Variants in KIF17 observed in about 807,000 individuals in gnomAD.
The protein encoded by KIF17 is kinesin family member 17.
KIF17 carries 80 observed loss-of-function variants against 96.8 expected under a neutral mutation model. That is an observed-to-expected ratio of 0.83 (90% CI 0.69 to 1.00). KIF17 has a LOEUF of 1.00. KIF17 is among the 50% of genes least tolerant of loss of function. KIF17 has a pLI of 0.00. For missense variants in KIF17, 1,280 were observed against 1,372.9 expected (o/e 0.93, Z 1.07); for synonymous variants, 567 against 587.5 (o/e 0.97, Z 0.51).
At position 20,717,844 on chromosome 1, in the gene KIF17, G is replaced by A; in HGVS notation, c.-138C>T. 3 of 750,494 alleles carry A rather than the reference G, an allele frequency of 4.0e-6. No individual in the cohort carries two copies. The highest frequency in any genetic ancestry group is 5.0e-6 in the Non-Finnish European group (3 of 604,626). The allele number at this position is 750,494 out of a possible 1,614,324, so 46.5% of individuals were successfully genotyped here. A position where few individuals can be genotyped will look rare whatever the true frequency, so the allele number is the denominator to read the frequency against. On this transcript the variant is annotated 5_prime_UTR_variant, in exon 1 of 15. Transcript: ENST00000400463. ...AGGCAGGGGCGGGGCCGCGGCGGGG[G>A]GCGGGGACCCCTCGGGGGGCGCCCC... is the stretch of plus-strand genomic sequence containing the variant.
intron 3 of KIF17, among the ~76,000 whole-genome samples, chr1:20,712,812 T>G (rs866347608): frequency 0.078 from 3,842 of 49,506 alleles, 459 homozygotes; most frequent in Non-Finnish European, 0.15. Flanking sequence ...AATATCTATA[T>G]ATATAATATA....
rs768818031 is a variant in KIF17, at chr1:20,684,809, C to T, written c.2231G>A (p.Arg744His). The T allele has an allele frequency of 1.2e-5, 19 of 1,572,490 alleles. No homozygotes were observed. Among genetic ancestry groups the T allele is most frequent in the African/African-American group, 4.1e-5 (3 of 73,802 alleles). The change falls in exon 10 of 15, where the codon CGT (arginine) becomes CAT (histidine). Residue 744 changes from arginine to histidine, a missense_variant and splice_region_variant. Physicochemically the swap from Arg to His is conservative, Grantham distance 29 (BLOSUM62 0). Coordinates refer to ENST00000400463, the MANE Select transcript of KIF17 (RefSeq NM_001122819.3). Reference protein sequence around the residue: ...PVVDQQQVLARLQLLEQQVVG... With the variant: ...PVVDQQQVLAHLQLLEQQVVG... Reference sequence around the variant, plus strand: ...GCCAGCCCCATGCTCTGCTGCTTACCGGGCCAGCACCTGCTGCTGGTCCAC... The same window carrying T: ...GCCAGCCCCATGCTCTGCTGCTTACTGGGCCAGCACCTGCTGCTGGTCCAC...
intron 8 of KIF17, 51 bp from the exon 9 acceptor site, chr1:20,686,177 C>T: frequency 1.4e-6 from 2 of 1,453,196 alleles, no homozygotes; most frequent in Non-Finnish European, 9.5e-7. Flanking sequence ...TGGGCCAGAA[C>T]CATCCTTTAC....
chr1:20,709,087 C>T lies in KIF17; in HGVS notation c.670+552G>A, dbSNP rs148230514. Among the ~76,000 whole-genome samples the T allele has an allele frequency of 7.6e-4, 116 of 152,302 alleles. No homozygotes were observed. Among genetic ancestry groups the T allele is most frequent in the African/African-American group, 2.6e-3 (108 of 41,570 alleles). ...TGCTGTAGGAGTAAGTGAGATAATGCACACACATTGCCTGGCACACTGGCC... is the reference window on the plus strand; with the variant it reads ...TGCTGTAGGAGTAAGTGAGATAATGTACACACATTGCCTGGCACACTGGCC... On this transcript the variant is annotated intron_variant, in intron 4 of 14. Transcript: ENST00000400463. The surrounding 1 kb of genome is among the most constrained non-coding windows in gnomAD (Gnocchi z 4.7).
At chr1:20,690,612 T>C (rs2054021996) in intron 6 of KIF17, among the ~76,000 whole-genome samples, 1 of 151,420 alleles carries the variant, frequency 6.6e-6, no homozygotes, top group South Asian at 2.1e-4. Context: ...AGCCTCGAAC[T>C]CCCAGGCTCA....
At position 20,710,495 on chromosome 1, in the gene KIF17, T is replaced by C. The variant is rs528577598; in HGVS notation, c.481-667A>G. ...TTATCTGATGGCTCCCTGCTGGCTT[T>C]CCAGGCAGCAAAGTCATTTTGCTGC... On this transcript the variant is annotated intron_variant, in intron 3 of 14. Transcript: ENST00000400463. Among the ~76,000 whole-genome samples the C allele has an allele frequency of 2.0e-3, 308 of 152,324 alleles. 2 individuals are homozygous for C. Among genetic ancestry groups the C allele is most frequent in the Non-Finnish European group, 3.6e-3 (244 of 68,024 alleles).
At chr1:20,697,004 C>A (rs1462415356) in intron 6 of KIF17, among the ~76,000 whole-genome samples, 3 of 152,206 alleles carry the variant, frequency 2.0e-5, no homozygotes, top group African/African-American at 7.2e-5. Context: ...TCACTGGGGG[C>A]ACCATCGAGC....
chr1:20,678,762 G>A (rs1237282858), intron 11 of KIF17, among the ~76,000 whole-genome samples: 2 of 152,084 alleles, frequency 1.3e-5, no homozygotes, highest in South Asian at 2.1e-4. Flanking sequence ...TCCTAAAAAC[G>A]GATCTGAAAC....
chr1:20,715,244 G>A (rs2054555965), intron 2 of KIF17, among the ~76,000 whole-genome samples: 1 of 152,178 alleles, frequency 6.6e-6, no homozygotes, highest in Non-Finnish European at 1.5e-5. Flanking sequence ...CAGTGCACAG[G>A]GTCAGCAGAT....
intron 3 of KIF17, among the ~76,000 whole-genome samples, chr1:20,711,605 C>T (rs1372282966): frequency 6.6e-6 from 1 of 152,146 alleles, no homozygotes; most frequent in Non-Finnish European, 1.5e-5. Context: ...GGGAAGAACC[C>T]GCTGGAGAGG....
chr1:20,678,491 A>C (rs558224168), intron 11 of KIF17, among the ~76,000 whole-genome samples: 2 of 152,318 alleles, frequency 1.3e-5, no homozygotes, highest in Middle Eastern at 3.4e-3. Context: ...AATCTCTCCA[A>C]CAAGACCTCC....
intron 13 of KIF17, among the ~76,000 whole-genome samples, chr1:20,669,574 A>G (rs1240471239): frequency 7.4e-6 from 1 of 135,760 alleles, no homozygotes; most frequent in Non-Finnish European, 1.6e-5. Flanking sequence ...TAAATAAAAT[A>G]AAATAAAATA....
chr1:20,698,187 A>C (rs1557598354), intron 6 of KIF17, among the ~76,000 whole-genome samples, 192 bp downstream of exon 6: 2 of 152,208 alleles, frequency 1.3e-5, no homozygotes. Context: ...CTCAAGTTCA[A>C]ATCCTGGCTC....
At position 20,700,048 on chromosome 1, in the gene KIF17, C is replaced by G. The variant is rs1183811735; in HGVS notation, c.1124-1560G>C. Among the ~76,000 whole-genome samples the G allele has an allele frequency of 6.6e-6, 1 of 152,114 alleles. No individual in the cohort carries two copies. The highest frequency in any genetic ancestry group is 1.9e-4 in the East Asian group (1 of 5,196). On this transcript the variant is annotated intron_variant, in intron 5 of 14. Coordinates refer to ENST00000400463, the MANE Select transcript of KIF17 (RefSeq NM_001122819.3). The surrounding 1 kb of genome is among the most constrained non-coding windows in gnomAD (Gnocchi z 4.6). ...ACTCAGTCTGGAGGGCAGCAGTGAA[C>G]TGGCTGTAGCCAGTTTTTGTTTTGT...
At chr1:20,702,409 C>T (rs979839096) in intron 5 of KIF17, among the ~76,000 whole-genome samples, 6 of 152,314 alleles carry the variant, frequency 3.9e-5, no homozygotes, top group Admixed American at 1.3e-4. Context: ...GCGGGGGCCG[C>T]GGGCCGAGCC....
At chr1:20,717,327 G>A (rs1467679329) in intron 1 of KIF17, 149 bp downstream of exon 1, 2 of 816,156 alleles carry the variant, frequency 2.5e-6, no homozygotes, top group Middle Eastern at 3.4e-4. Context: ...TGTCCCGCCT[G>A]GACAAAAGCC....
chr1:20,665,394 ATTTTT>A (rs33986427), intron 14 of KIF17, among the ~76,000 whole-genome samples: 1 of 80,886 alleles, frequency 1.2e-5, no homozygotes. Context: ...TACCCAGCTA[ATTTTT>A]TTTTTTTTTT....
chr1:20,679,117 G>C (rs1017993362), intron 11 of KIF17, among the ~76,000 whole-genome samples: 2 of 151,694 alleles, frequency 1.3e-5, no homozygotes, highest in African/African-American at 4.8e-5. Flanking sequence ...TTCGAGACCA[G>C]CCTGGGCAAC....
rs145190273 is a variant in KIF17 at position 20,709,162 on chromosome 1, G to A, written c.670+477C>T. On this transcript the variant is annotated intron_variant, in intron 4 of 14. Transcript: ENST00000400463. The surrounding 1 kb of genome is among the most constrained non-coding windows in gnomAD (Gnocchi z 4.7). ...TCCTAACACTTTGGGAGGCCAAGGC[G>A]GGAGTATTGCTTGAGCTCAGGAGTT... 2.4e-3 allele frequency among the ~76,000 whole-genome samples: 368 copies of A among 152,296 alleles called. 2 individuals are homozygous for A. The highest frequency in any genetic ancestry group is 7.5e-3 in the African/African-American group (310 of 41,556).
Sources: allele counts gnomAD v4.1 joint callset (sites outside exome capture counted in the v4.1 genomes callset), GRCh38; gene constraint gnomAD v4.1.1; non-coding constraint Gnocchi (gnomAD v3.1); transcripts MANE v1.5; gene names NCBI Gene and HGNC (gene_info 2026-07-23, HGNC 2026-07-21).